C12orf56: variants seen among roughly 807,000 people sequenced by gnomAD.
C12orf56 encodes the protein chromosome 12 open reading frame 56.
A neutral mutation model predicts 69.9 loss-of-function variants in C12orf56; 71 were observed. The ratio of observed to expected loss-of-function variants is 1.02; its 90% CI spans 0.84 to 1.24. The LOEUF (loss-of-function observed/expected upper bound fraction) is 1.24. Ranked by LOEUF, C12orf56 falls within the 50% of genes most tolerant of loss-of-function variation. C12orf56 has a pLI of 0.00. For missense variants in C12orf56, 732 were observed against 738.5 expected (o/e 0.99, Z 0.10); for synonymous variants, 276 against 274.1 (o/e 1.01, Z -0.07).
At chr12:64,272,680 C>T (rs2136745209) in intron 11 of C12orf56, among the ~76,000 whole-genome samples, 1 of 73,392 alleles carries the variant, frequency 1.4e-5, no homozygotes, top group South Asian at 3.5e-4. Context: ...GCAGCCACCA[C>T]ACAGAAAACA....
intron 12 of C12orf56, among the ~76,000 whole-genome samples, chr12:64,269,519 A>T (rs932792644): frequency 6.6e-6 from 1 of 152,148 alleles, no homozygotes; most frequent in Non-Finnish European, 1.5e-5. Flanking sequence ...TCCTTTATCA[A>T]TTGCTTCTGT....
chr12:64,274,622 A>G (rs912407218), intron 11 of C12orf56, among the ~76,000 whole-genome samples: 1 of 152,236 alleles, frequency 6.6e-6, no homozygotes, highest in East Asian at 1.9e-4. Flanking sequence ...TTACCTAATT[A>G]TACAGCTAAT....
intron 1 of C12orf56, among the ~76,000 whole-genome samples, chr12:64,373,589 C>G (rs1046953264): frequency 6.6e-6 from 1 of 152,226 alleles, no homozygotes; most frequent in Non-Finnish European, 1.5e-5. Context: ...CATCTTTCAG[C>G]TTCCATGGTC....
At chr12:64,275,109 G>A (rs2038033961) in intron 10 of C12orf56, 134 bp from the exon 11 acceptor site, 2 of 910,222 alleles carry the variant, frequency 2.2e-6, no homozygotes, top group Non-Finnish European at 1.6e-6. Context: ...TAAACTAGAT[G>A]AGCACTTAAG....
intron 6 of C12orf56, among the ~76,000 whole-genome samples, chr12:64,287,034 C>G (rs570378357): frequency 1.2e-3 from 183 of 151,930 alleles, no homozygotes; most frequent in Non-Finnish European, 2.1e-3. Context: ...GTCAGGAGTT[C>G]GAAATCAGCC....
At chr12:64,305,841 C>T (rs548300516) in intron 5 of C12orf56, among the ~76,000 whole-genome samples, 84 of 152,286 alleles carry the variant, frequency 5.5e-4, no homozygotes, top group Admixed American at 1.2e-3. Flanking sequence ...TATGAAATCC[C>T]TCTATTCTCT....
At chr12:64,348,609 A>G (rs932005829) in intron 2 of C12orf56, among the ~76,000 whole-genome samples, 12 of 152,224 alleles carry the variant, frequency 7.9e-5, no homozygotes, top group African/African-American at 2.9e-4. Context: ...GGCATACAGA[A>G]GAGAGGTAAA....
Position 64,312,663 on chromosome 12 carries a change from C to T in C12orf56, c.968+16G>A, listed in dbSNP as rs1195260054. Reference sequence around the variant, plus strand: ...AAATTCCCCATGCAACTCTATCATACATCATCACTTCTTACCTATATGGCT... The same window carrying T: ...AAATTCCCCATGCAACTCTATCATATATCATCACTTCTTACCTATATGGCT... On this transcript the variant is annotated intron_variant, in intron 5 of 12. Transcript: ENST00000543942. The T allele has an allele frequency of 6.6e-7, 1 of 1,517,496 alleles. No individual in the cohort carries two copies. Among genetic ancestry groups the T allele is most frequent in the East Asian group, 2.5e-5 (1 of 40,814 alleles). The allele number at this position is 1,517,496 out of a possible 1,614,324, so 94.0% of individuals were successfully genotyped here.
At position 64,274,934 on chromosome 12, in the gene C12orf56, C is replaced by T. The variant is rs771734382; in HGVS notation, c.1551G>A (p.Trp517Ter). Reference protein sequence around the residue: ...GLGSTKFAISWIMSFLQSCPP... With the variant: ...GLGSTKFAIS ...GACAGCTTTGTAGAAAGGACATTAT[C>T]CAGCTAATAGCAAACTTTGTGGATC... Residue 517 changes from tryptophan to a stop codon, truncating the protein, a stop_gained, in exon 11 of 13, where the codon TGG (tryptophan) becomes TGA (stop). Coordinates refer to ENST00000543942, the MANE Select transcript of C12orf56 (RefSeq NM_001170633.2). LOFTEE classifies it high-confidence loss of function. The T allele has an allele frequency of 2.5e-6, 4 of 1,612,694 alleles. No individual in the cohort carries two copies. The highest frequency in any genetic ancestry group is 1.7e-4 in the Middle Eastern group (1 of 6,058).
At chr12:64,316,043 T>C (rs1337567995) in intron 4 of C12orf56, among the ~76,000 whole-genome samples, 1 of 152,156 alleles carries the variant, frequency 6.6e-6, no homozygotes, top group Non-Finnish European at 1.5e-5. Flanking sequence ...TCATTTTCCA[T>C]CTTTCAAGGA....
intron 2 of C12orf56, chr12:64,352,169 T>G (rs1259365474): frequency 1.3e-5 from 2 of 151,624 alleles, no homozygotes; most frequent in Non-Finnish European, 2.9e-5. Context: ...GGCAAACAAG[T>G]AAAAGACCTC....
intron 1 of C12orf56, among the ~76,000 whole-genome samples, 151 bp from the exon 2 acceptor site, chr12:64,353,207 G>C (rs928955269): frequency 1.3e-5 from 2 of 151,932 alleles, no homozygotes; most frequent in African/African-American, 4.8e-5. Flanking sequence ...ACCCAGGCTA[G>C]AGTGCAGTGG....
At position 64,308,935 on chromosome 12, in the gene C12orf56, AGAAAGAAGAAAGAAAG is replaced by A. The variant is rs1264146224; in HGVS notation, c.968+3728_968+3743del. On this transcript the variant is annotated intron_variant, in intron 5 of 12. Coordinates refer to ENST00000543942, the MANE Select transcript of C12orf56 (RefSeq NM_001170633.2). ...AAGAAAGAAAGAAAGAAAGAAAGAA[AGAAAGAAGAAAGAAAG>A]AAAGAAAGAAAGAAAGAAAGAAAAG... is the stretch of plus-strand genomic sequence containing the variant. Among the ~76,000 whole-genome samples, 8 of 38,540 alleles carry A rather than the reference AGAAAGAAGAAAGAAAG, an allele frequency of 2.1e-4. No individual in the cohort carries two copies. In the South Asian group the frequency reaches 3.1e-3, roughly 15 times the overall value. The allele number at this position is 38,540 out of a possible 152,430, so 25.3% of individuals were successfully genotyped here.
At chr12:64,273,561 C>T (rs10878130) in intron 11 of C12orf56, among the ~76,000 whole-genome samples, 106,971 of 152,106 alleles carry the variant, frequency 0.7, 38,812 homozygotes, top group Non-Finnish European at 0.8. Context: ...AAGAGAAAGA[C>T]ATTGTATCAG....
At chr12:64,298,412 T>C (rs2038398320) in intron 6 of C12orf56, among the ~76,000 whole-genome samples, 1 of 152,264 alleles carries the variant, frequency 6.6e-6, no homozygotes, top group African/African-American at 2.4e-5. Flanking sequence ...ATTTTGGCTT[T>C]TGTTGCCATT....
intron 5 of C12orf56, among the ~76,000 whole-genome samples, chr12:64,306,657 C>A (rs1481035718): frequency 6.6e-6 from 1 of 152,222 alleles, no homozygotes; most frequent in African/African-American, 2.4e-5. Context: ...GCGTGAGCCA[C>A]TACTCCCAGC....
At chr12:64,354,130 A>C (rs1157095187) in intron 1 of C12orf56, among the ~76,000 whole-genome samples, 2 of 152,252 alleles carry the variant, frequency 1.3e-5, no homozygotes, top group Non-Finnish European at 2.9e-5. Flanking sequence ...CTAGGTTTGA[A>C]CTACTGGAAA....
In C12orf56 at chr12:64,313,557, A is replaced by T. The variant is rs930448650; in HGVS notation, c.895-805T>A. On this transcript the variant is annotated intron_variant, in intron 4 of 12. Transcript: ENST00000543942. ...GCAAGACCTTGTGTCTAAAATTTTT[A>T]AAAGTATCTATCGTCTGTTTGGTTT... Among the ~76,000 whole-genome samples, 6 of 151,740 alleles carry T rather than the reference A, an allele frequency of 4.0e-5. No homozygotes were observed. The East Asian group carries it at 7.7e-4, about 20-fold the overall frequency.
At chr12:64,307,860 T>A (rs2038537086) in intron 5 of C12orf56, among the ~76,000 whole-genome samples, 1 of 150,654 alleles carries the variant, frequency 6.6e-6, no homozygotes, top group African/African-American at 2.4e-5. Context: ...ATAAATTAAT[T>A]AATTAATTAG....
Sources: allele counts gnomAD v4.1 joint callset (sites outside exome capture counted in the v4.1 genomes callset), GRCh38; gene constraint gnomAD v4.1.1; transcripts MANE v1.5; gene names NCBI Gene and HGNC (gene_info 2026-07-23, HGNC 2026-07-21).